Variants in AFF2 observed in about 807,000 individuals in gnomAD.
The protein encoded by AFF2 is AF4/FMR2 family member 2.
Under a neutral mutation model 76.9 loss-of-function variants are expected in AFF2, and 14 were observed. The observed-to-expected ratio is 0.18, with a 90% confidence interval of 0.12 to 0.28. The LOEUF (loss-of-function observed/expected upper bound fraction) is 0.28, where lower values mean the gene tolerates loss of function less well. Ranked by LOEUF, AFF2 falls within the 10% of genes least tolerant of loss-of-function variation. The pLI is 1.00. For synonymous variants in AFF2, 398 were observed against 366.7 expected, an observed-to-expected ratio of 1.09 and a Z score of -0.98; for missense variants, 868 against 1,001.1, an observed-to-expected ratio of 0.87 and a Z score of 1.79.
intron 1 of AFF2, among the ~76,000 whole-genome samples, chrX:148,594,279 C>T (rs1053169709): frequency 4.5e-5 from 5 of 111,717 alleles, no homozygotes; most frequent in African/African-American, 1.6e-4. Context: ...TTCAGAAATA[C>T]ATCTGGAACA....
intron 19 of AFF2, among the ~76,000 whole-genome samples, chrX:148,982,967 G>A (rs1940325900): frequency 8.9e-6 from 1 of 112,286 alleles, no homozygotes; most frequent in African/African-American, 3.2e-5. Flanking sequence ...TATAATTTTT[G>A]AAATACAAGT....
chrX:148,589,123 G>T (rs2053497370), intron 1 of AFF2, among the ~76,000 whole-genome samples: 1 of 110,547 alleles, frequency 9.0e-6, no homozygotes, highest in Non-Finnish European at 1.9e-5. Flanking sequence ...GAGGGAGGGG[G>T]GCAGAGAGGC....
intron 3 of AFF2, among the ~76,000 whole-genome samples, chrX:148,691,939 AATT>A (rs1230074968): frequency 1.8e-5 from 2 of 111,712 alleles, no homozygotes; most frequent in Non-Finnish European, 3.8e-5. Context: ...AGACAGTGAC[AATT>A]ATTAACGAAT....
chrX:148,666,847 A>G (rs2054366050), intron 3 of AFF2, among the ~76,000 whole-genome samples: 1 of 111,922 alleles, frequency 8.9e-6, no homozygotes, highest in African/African-American at 3.2e-5. Flanking sequence ...ACATTTCTTT[A>G]CAGAAATTTT....
chrX:148,873,564 TTTC>T (rs1234300363), intron 7 of AFF2, among the ~76,000 whole-genome samples: 1 of 108,458 alleles, frequency 9.2e-6, no homozygotes, highest in African/African-American at 3.4e-5. Flanking sequence ...TTCTGTGTGT[TTTC>T]TTCTTAACTT....
chrX:148,768,885 G>A (rs2069551743), intron 3 of AFF2, among the ~76,000 whole-genome samples: 1 of 112,308 alleles, frequency 8.9e-6, no homozygotes, highest in Non-Finnish European at 1.9e-5. Flanking sequence ...GCAAGTTTGT[G>A]ATGGTTCAAG....
At chrX:148,593,368 G>A (rs782373863) in intron 1 of AFF2, among the ~76,000 whole-genome samples, 8 of 112,378 alleles carry the variant, frequency 7.1e-5, no homozygotes, top group African/African-American at 2.6e-4. Context: ...GGCAAAGAAC[G>A]TAAGTTTTGT....
intron 8 of AFF2, among the ~76,000 whole-genome samples, chrX:148,891,313 A>T (rs189549885): frequency 9.0e-6 from 1 of 111,476 alleles, no homozygotes; most frequent in East Asian, 2.8e-4. Context: ...GGGTTAAAGG[A>T]ACCCCTGAAA....
chrX:148,950,583 G>T (rs1320528446), intron 9 of AFF2, among the ~76,000 whole-genome samples: 2 of 111,669 alleles, frequency 1.8e-5, no homozygotes, highest in Non-Finnish European at 1.9e-5. Context: ...ATAAAAAGCT[G>T]ATGTACTTCT....
intron 1 of AFF2, among the ~76,000 whole-genome samples, chrX:148,647,402 G>C (rs782751336): frequency 5.4e-5 from 6 of 111,676 alleles, no homozygotes; most frequent in Non-Finnish European, 9.4e-5. Flanking sequence ...TAAACAATGA[G>C]TATTAGCTTC....
chrX:148,755,727 CATCT>C (rs782063635), intron 3 of AFF2, among the ~76,000 whole-genome samples: 75 of 110,751 alleles, frequency 6.8e-4, no homozygotes, highest in Non-Finnish European at 9.9e-4. Flanking sequence ...TCTATCTATC[CATCT>C]ATCTATCTAT....
intron 18 of AFF2, among the ~76,000 whole-genome samples, chrX:148,980,393 G>C (rs781930015): frequency 2.7e-5 from 3 of 112,191 alleles, no homozygotes; most frequent in African/African-American, 9.7e-5. Flanking sequence ...AAGGTGAAAA[G>C]CTTACTTGCA....
chrX:148,572,266 G>A (rs2053237934), intron 1 of AFF2, among the ~76,000 whole-genome samples: 1 of 111,670 alleles, frequency 9.0e-6, no homozygotes, highest in Non-Finnish European at 1.9e-5. Context: ...ACAAGTGTTG[G>A]CGAGGATGTC....
intron 10 of AFF2, among the ~76,000 whole-genome samples, chrX:148,954,488 C>T (rs1264263927): frequency 8.1e-5 from 9 of 111,770 alleles, no homozygotes; most frequent in African/African-American, 2.9e-4. Context: ...ATAGAAATAC[C>T]TGTTGAACAT....
At chrX:148,815,348 A>G (rs1557272088) in intron 4 of AFF2, among the ~76,000 whole-genome samples, 1 of 111,723 alleles carries the variant, frequency 9.0e-6, no homozygotes, top group Non-Finnish European at 1.9e-5. Context: ...AATTATGTGC[A>G]GTATTCCCTT....
In AFF2 at chrX:148,999,053, T is replaced by A. The variant is rs1208619129; in HGVS notation, c.*7721T>A. ...TGGGCCCTTTCACACCCCACAGTGA[T>A]AAATGAAAAGGATAGAGGTAGTTTT... On this transcript the variant is annotated 3_prime_UTR_variant, in exon 21 of 21. Coordinates refer to ENST00000370460, the MANE Select transcript of AFF2 (RefSeq NM_002025.4). The A allele has an allele frequency of 9.0e-6, 1 of 111,723 alleles. No homozygotes were observed. The highest frequency in any genetic ancestry group is 1.9e-5 in the Non-Finnish European group (1 of 53,187). 9.2% of individuals were successfully genotyped at this position (111,723 alleles called of 1,213,427 possible). A position where few individuals can be genotyped will look rare whatever the true frequency, so the allele number is the denominator to read the frequency against.
chrX:148,987,902 GTTA>G (rs1185396880), intron 20 of AFF2, among the ~76,000 whole-genome samples: 1 of 111,586 alleles, frequency 9.0e-6, no homozygotes, highest in East Asian at 2.8e-4. Context: ...TGTTATTATT[GTTA>G]TTATTATTTT....
chrX:148,672,666 T>C (rs782524790), intron 3 of AFF2, among the ~76,000 whole-genome samples: 2 of 112,647 alleles, frequency 1.8e-5, no homozygotes, highest in Non-Finnish European at 3.7e-5. Context: ...GCAATTTTTC[T>C]TGTGGTATTA....
intron 3 of AFF2, among the ~76,000 whole-genome samples, chrX:148,798,768 G>A (rs782571677): frequency 1.2e-4 from 13 of 111,997 alleles, no homozygotes; most frequent in Non-Finnish European, 2.1e-4. Context: ...GGCATAGACC[G>A]TTAGGCTTCA....
Sources: allele counts gnomAD v4.1 joint callset (sites outside exome capture counted in the v4.1 genomes callset), GRCh38; gene constraint gnomAD v4.1.1; transcripts MANE v1.5; gene names NCBI Gene and HGNC (gene_info 2026-07-23, HGNC 2026-07-21).